GPKOW: variants seen among roughly 807,000 people sequenced by gnomAD.
GPKOW encodes the protein G-patch domain and KOW motifs.
For missense variants in GPKOW, 359 were observed against 404.7 expected, an observed-to-expected ratio of 0.89 and a Z score of 0.97; for synonymous variants, 167 against 159.1, an observed-to-expected ratio of 1.05 and a Z score of -0.37.
rs903534464 is a variant in GPKOW at position 49,122,346 on chromosome X, C to A, written c.456+52G>T. The A allele has an allele frequency of 6.6e-6, 7 of 1,059,074 alleles. No individual in the cohort carries two copies. The African/African-American group carries it at 1.1e-4, about 17-fold the overall frequency. 87.3% of individuals were successfully genotyped at this position (1,059,074 alleles called of 1,213,427 possible). ...TGCTACGTGCAGGGACACAGCCTGG[C>A]GGACAGGGCAAAGAAAGGCTGGGGC... On this transcript the variant is annotated intron_variant, in intron 3 of 10. Coordinates refer to ENST00000156109, the MANE Select transcript of GPKOW (RefSeq NM_015698.6).
At chrX:49,122,178 T>C (rs911322381) in intron 3 of GPKOW, among the ~76,000 whole-genome samples, 1 of 112,463 alleles carries the variant, frequency 8.9e-6, no homozygotes, top group Admixed American at 9.4e-5. Flanking sequence ...CCTGTTCCCT[T>C]TGCTGCACAC....
At position 49,123,638 on chromosome X, in the gene GPKOW, G is replaced by T. The variant is rs144403174; in HGVS notation, c.85C>A (p.Arg29=). Residue 29 remains arginine (R), a synonymous_variant, in exon 1 of 11, where the codon CGG becomes AGG. Transcript: ENST00000156109. ...ISFGFTRTSA[R]RRLADSGDGA... is the part of the protein sequence containing the mutation. ...TCTCCCGAGTCGGCCAGCCGCCTCC[G>T]TGCGGACGTGCGAGTGAAGCCGAAT... 6.6e-6 allele frequency: 8 copies of T among 1,209,284 alleles called. No homozygotes were observed. Among genetic ancestry groups the T allele is most frequent in the Non-Finnish European group, 5.6e-6 (5 of 894,060 alleles).
chrX:49,114,922 C>CAAAAAA (rs1169588195), intron 9 of GPKOW, among the ~76,000 whole-genome samples: 3 of 45,572 alleles, frequency 6.6e-5, no homozygotes, highest in African/African-American at 3.8e-4. Flanking sequence ...GACTCTGTTT[C>CAAAAAA]AAAAAAAAAA....
intron 10 of GPKOW, 32 bp downstream of exon 10, chrX:49,113,821 C>T: frequency 8.3e-7 from 1 of 1,201,673 alleles, no homozygotes; most frequent in Non-Finnish European, 1.1e-6. Flanking sequence ...CTGAACGACC[C>T]ACAAACCTCT....
At chrX:49,115,694 A>G in intron 9 of GPKOW, 32 bp downstream of exon 9, 1 of 1,155,143 alleles carries the variant, frequency 8.7e-7, no homozygotes, top group East Asian at 3.0e-5. Flanking sequence ...ACTCTTCTTG[A>G]TCAACCTCCA....
chrX:49,122,842 C>G lies in GPKOW; in HGVS notation c.177-66G>C, dbSNP rs891410048. On this transcript the variant is annotated intron_variant, in intron 1 of 10. Transcript: ENST00000156109. ...GGTCAGTGGGTCACACTCCTTCATT[C>G]AGAGAAAACACAAGAGCCAAACTCA... 15 of 955,197 alleles carry G rather than the reference C, an allele frequency of 1.6e-5. No individual in the cohort carries two copies. The Admixed American group carries it at 2.6e-4, about 16-fold the overall frequency. 78.7% of individuals were successfully genotyped at this position (955,197 alleles called of 1,213,427 possible).
chrX:49,123,676 G>A lies in GPKOW; in HGVS notation c.47C>T (p.Thr16Ile), dbSNP rs781789963. 8.3e-7 allele frequency: 1 copy of A among 1,209,001 alleles called. No homozygotes were observed. Among genetic ancestry groups the A allele is most frequent in the Non-Finnish European group, 1.1e-6 (1 of 893,993 alleles). ...EGVLPLTAAS[T>I]APISFGFTRT... ...AGTGAAGCCGAATGAAATTGGGGCA[G>A]TGGAAGCAGCCGTCAGCGGCAAAAC... The change falls in exon 1 of 11, where the codon ACT becomes ATT. Residue 16 changes from threonine (T) to isoleucine (I), a missense_variant. Physicochemically the swap from Thr to Ile is moderately conservative, Grantham distance 89. Coordinates refer to ENST00000156109, the MANE Select transcript of GPKOW (RefSeq NM_015698.6).
Position 49,113,880 on chromosome X carries a change from C to T in GPKOW, c.1269G>A (p.Met423Ile). Residue 423 changes from methionine (M) to isoleucine (I), a missense_variant, in exon 10 of 11, where the codon ATG (methionine) becomes ATA (isoleucine). By Grantham distance (10) the Met-to-Ile change is conservative. Coordinates refer to ENST00000156109, the MANE Select transcript of GPKOW (RefSeq NM_015698.6). ...LVPKAEGDRV[M>I]VVLGPQTGRV... ...TTCCAGTCTGTGGGCCCAGCACCACCATCACACGGTCACCCTCTGCCTTGG... is the reference window on the plus strand; with the variant it reads ...TTCCAGTCTGTGGGCCCAGCACCACTATCACACGGTCACCCTCTGCCTTGG... 1 of 1,209,408 alleles carries T rather than the reference C, an allele frequency of 8.3e-7. No homozygotes were observed. Among genetic ancestry groups the T allele is most frequent in the East Asian group, 3.0e-5 (1 of 33,843 alleles).
At chrX:49,114,437 C>A (rs2065183446) in intron 9 of GPKOW, among the ~76,000 whole-genome samples, 1 of 106,712 alleles carries the variant, frequency 9.4e-6, no homozygotes, top group African/African-American at 3.4e-5. Flanking sequence ...CCGCGCCCAG[C>A]CTACAAAAAA....
chrX:49,118,752 A>C (rs1602563757), intron 4 of GPKOW, among the ~76,000 whole-genome samples: 1 of 99,693 alleles, frequency 1.0e-5, no homozygotes, highest in African/African-American at 3.5e-5. Context: ...AAAAAAAAAA[A>C]AAAAAAAAAA....
chrX:49,113,737 G>A lies in GPKOW; in HGVS notation c.1315C>T (p.Arg439Trp), dbSNP rs782514850. The A allele has an allele frequency of 1.1e-4, 135 of 1,204,919 alleles. 2 individuals carry two copies. The East Asian group carries it at 3.4e-3, about 30-fold the overall frequency. ...AAAGCCCGGCTCCGTGCTCTGTCCCGGCTCAGCAAATGTCCCACCTGGAAC... is the reference window on the plus strand; with the variant it reads ...AAAGCCCGGCTCCGTGCTCTGTCCCAGCTCAGCAAATGTCCCACCTGGAAC... ...QTGRVGHLLSRDRARSRALVQ... is the reference protein window; with the variant it reads ...QTGRVGHLLSWDRARSRALVQ... The change falls in exon 11 of 11, where the codon CGG (arginine) becomes TGG (tryptophan). Residue 439 changes from arginine (R) to tryptophan (W), a missense_variant. Transcript: ENST00000156109.
intron 9 of GPKOW, among the ~76,000 whole-genome samples, chrX:49,114,545 C>T (rs1280122084): frequency 2.1e-5 from 2 of 93,796 alleles, no homozygotes; most frequent in Non-Finnish European, 4.1e-5. Context: ...TTTGAGGTGG[C>T]AGTGATCCAT....
Position 49,113,721 on chromosome X carries a change from C to G in GPKOW, c.1331G>C (p.Ser444Thr). 1 of 1,207,302 alleles carries G rather than the reference C, an allele frequency of 8.3e-7. No homozygotes were observed. The highest frequency in any genetic ancestry group is 1.7e-5 in the African/African-American group (1 of 57,742). ...GHLLSRDRAR[S>T]RALVQLPREN... ...TCTTGGCAGTTGCACCAAAGCCCGGCTCCGTGCTCTGTCCCGGCTCAGCAA... is the reference window on the plus strand; with the variant it reads ...TCTTGGCAGTTGCACCAAAGCCCGGGTCCGTGCTCTGTCCCGGCTCAGCAA... The change falls in exon 11 of 11, where the codon AGC becomes ACC. Residue 444 changes from serine to threonine, a missense_variant. Transcript: ENST00000156109.
Position 49,122,255 on chromosome X carries a change from T to C in GPKOW, c.456+143A>G, listed in dbSNP as rs919932463. 5 of 420,500 alleles carry C rather than the reference T, an allele frequency of 1.2e-5. No individual in the cohort carries two copies. In the African/African-American group the frequency reaches 1.4e-4, roughly 12 times the overall value. 34.7% of individuals were successfully genotyped at this position (420,500 alleles called of 1,213,427 possible). A position where few individuals can be genotyped will look rare whatever the true frequency, so the allele number is the denominator to read the frequency against. ...CCAGATACCCAGATTCATTTGGTAA[T>C]GCTTCCAAAATGATGACAGGAGAAG... On this transcript the variant is annotated intron_variant, in intron 3 of 10. Coordinates refer to ENST00000156109, the MANE Select transcript of GPKOW (RefSeq NM_015698.6).
chrX:49,116,108 T>C, intron 7 of GPKOW, 94 bp from the exon 8 acceptor site: 1 of 1,138,850 alleles, frequency 8.8e-7, no homozygotes, highest in African/African-American at 1.8e-5. Flanking sequence ...CCACCCACAA[T>C]GCAGTTCCCC....
chrX:49,114,422 A>G (rs1231079919), intron 9 of GPKOW, among the ~76,000 whole-genome samples: 3 of 104,881 alleles, frequency 2.9e-5, no homozygotes, highest in African/African-American at 1.0e-4. Context: ...TACAGGCATG[A>G]GCCACCGCGC....
chrX:49,122,754 T>C lies in GPKOW; in HGVS notation c.199A>G (p.Lys67Glu). The change falls in exon 2 of 11, where the codon AAG (lysine) becomes GAG (glutamate). Residue 67 changes from lysine (K) to glutamate (E), a missense_variant. Physicochemically the swap from Lys to Glu is moderately conservative, Grantham distance 56. Coordinates refer to ENST00000156109, the MANE Select transcript of GPKOW (RefSeq NM_015698.6). ...LQSVKPQEAP[K>E]ELVIPLIQNG... ...TGGATCAAAGGGATGACGAGTTCCT[T>C]GGGGGCCTCCTGGGGCTTCACACTG... 1 of 1,210,309 alleles carries C rather than the reference T, an allele frequency of 8.3e-7. No homozygotes were observed. The highest frequency in any genetic ancestry group is 1.1e-6 in the Non-Finnish European group (1 of 894,438).
intron 6 of GPKOW, among the ~76,000 whole-genome samples, chrX:49,116,662 G>A (rs1261764790): frequency 9.0e-6 from 1 of 111,663 alleles, no homozygotes; most frequent in Non-Finnish European, 1.9e-5. Context: ...CGCCTGTGCT[G>A]TTCTGTCTGC....
intron 3 of GPKOW, among the ~76,000 whole-genome samples, chrX:49,120,534 T>G (rs1290618505): frequency 9.0e-6 from 1 of 111,215 alleles, no homozygotes; most frequent in Non-Finnish European, 1.9e-5. Flanking sequence ...GCTCAGCCCT[T>G]TGCAGTGGTA....
Sources: gnomAD v4.1 joint callset for allele counts (sites outside exome capture counted in the v4.1 genomes callset) on GRCh38, gnomAD v4.1.1 for gene constraint, MANE v1.5 for transcripts, NCBI Gene and HGNC (gene_info 2026-07-23, HGNC 2026-07-21) for gene names.